IPPK: variants seen among roughly 807,000 people sequenced by gnomAD.
IPPK encodes the protein IPK1 homolog.
In IPPK, 22 loss-of-function variants were observed where a neutral mutation model predicts 64.6. The ratio of observed to expected loss-of-function variants is 0.34; its 90% CI spans 0.24 to 0.49. IPPK has a LOEUF of 0.49. Ranked by LOEUF, IPPK falls within the 20% of genes least tolerant of loss-of-function variation. The pLI is 0.99. For synonymous variants in IPPK, 262 were observed against 247.2 expected (o/e 1.06, Z -0.56); for missense variants, 532 against 630.7 (o/e 0.84, Z 1.68).
intron 12 of IPPK, chr9:92,619,121 C>G (rs761956373): frequency 1.7e-5 from 4 of 237,540 alleles, no homozygotes; most frequent in Non-Finnish European, 3.3e-5. Flanking sequence ...TGTGGGAGAC[C>G]GAGGAACAAG....
intron 8 of IPPK, among the ~76,000 whole-genome samples, chr9:92,639,003 C>T (rs1159380743): frequency 6.6e-6 from 1 of 152,110 alleles, no homozygotes; most frequent in Non-Finnish European, 1.5e-5. Context: ...GCGGCCAACC[C>T]CAGGAGAGTA....
chr9:92,618,694 C>G, intron 12 of IPPK: 1 of 389,178 alleles, frequency 2.6e-6, no homozygotes, highest in South Asian at 1.9e-5. Context: ...TCAGTTAGCC[C>G]TATAATGTTC....
chr9:92,618,639 G>A (rs762519861), intron 12 of IPPK: 4 of 446,180 alleles, frequency 9.0e-6, no homozygotes, highest in South Asian at 3.1e-5. Context: ...TTTCCTTAGG[G>A]GATAACAGGA....
chr9:92,654,425 G>C (rs1852330758), intron 3 of IPPK, among the ~76,000 whole-genome samples: 1 of 152,254 alleles, frequency 6.6e-6, no homozygotes, highest in African/African-American at 2.4e-5. Context: ...TGGGTGTGAG[G>C]CAGGATGATC....
At chr9:92,656,598 C>T (rs781346738) in intron 2 of IPPK, 47 bp from the exon 3 acceptor site, 5 of 1,279,556 alleles carry the variant, frequency 3.9e-6, no homozygotes, top group Non-Finnish European at 5.7e-6. Context: ...GACCTCCCAA[C>T]AGAGCCTTGC....
chr9:92,634,993 C>T (rs1166713248), intron 10 of IPPK, among the ~76,000 whole-genome samples, 165 bp downstream of exon 10: 1 of 152,240 alleles, frequency 6.6e-6, no homozygotes, highest in African/African-American at 2.4e-5. Flanking sequence ...CAAGGCACTA[C>T]ATTCCAGAGC....
At chr9:92,630,184 A>AT (rs1374125268) in intron 11 of IPPK, among the ~76,000 whole-genome samples, 1 of 151,838 alleles carries the variant, frequency 6.6e-6, no homozygotes. Flanking sequence ...CACCCCATGG[A>AT]CTATTACTGA....
intron 7 of IPPK, among the ~76,000 whole-genome samples, chr9:92,641,518 G>A (rs2131441708): frequency 6.6e-6 from 1 of 152,332 alleles, no homozygotes; most frequent in East Asian, 1.9e-4. Flanking sequence ...ATTACTGAAT[G>A]CTTCACAATT....
chr9:92,644,948 G>C (rs1348644117), intron 6 of IPPK, among the ~76,000 whole-genome samples: 3 of 152,148 alleles, frequency 2.0e-5, no homozygotes, highest in African/African-American at 7.2e-5. Context: ...CCAGACACTG[G>C]ACTTACCAGA....
chr9:92,623,152 G>A (rs1490481224), intron 11 of IPPK, among the ~76,000 whole-genome samples: 1 of 152,016 alleles, frequency 6.6e-6, no homozygotes, highest in East Asian at 1.9e-4. Flanking sequence ...ATCAAAAGAC[G>A]GGCCAGGCAC....
At chr9:92,622,615 T>C (rs975648797) in intron 11 of IPPK, among the ~76,000 whole-genome samples, 1 of 151,798 alleles carries the variant, frequency 6.6e-6, no homozygotes, top group African/African-American at 2.4e-5. Flanking sequence ...ATAATATATA[T>C]ATATATAAAA....
At position 92,649,377 on chromosome 9, in the gene IPPK, G is replaced by A. The variant is rs1226744684; in HGVS notation, c.414+76C>T. 3.9e-6 allele frequency: 6 copies of A among 1,554,630 alleles called. No homozygotes were observed. In the African/African-American group the frequency reaches 5.4e-5, roughly 14 times the overall value. ...ACTTCAGTGGGAACTGGAACCCAAG[G>A]CACGTGACTCTTGGACTTACTACCC... On this transcript the variant is annotated intron_variant, in intron 5 of 12. Transcript: ENST00000287996.
At chr9:92,637,570 A>T (rs1284576090) in intron 9 of IPPK, among the ~76,000 whole-genome samples, 1 of 152,036 alleles carries the variant, frequency 6.6e-6, no homozygotes, top group African/African-American at 2.4e-5. Context: ...TTCACCCCAG[A>T]CTTGTGAAGA....
intron 11 of IPPK, among the ~76,000 whole-genome samples, chr9:92,621,009 A>G (rs1244613472): frequency 6.6e-6 from 1 of 152,240 alleles, no homozygotes; most frequent in Non-Finnish European, 1.5e-5. Flanking sequence ...CAGATCTGCT[A>G]TCTGGCGAGA....
chr9:92,652,629 TG>T lies in IPPK; in HGVS notation c.235del (p.Gln79SerfsTer4). On this transcript the variant is annotated frameshift_variant, in exon 4 of 13. Coordinates refer to ENST00000287996, the MANE Select transcript of IPPK (RefSeq NM_022755.6). LOFTEE classifies it high-confidence loss of function. The part of the protein sequence containing the change: ...ENYVHYGEVV[Q>X]LPLEFVKQLC... ...CTGTTTCACAAACTCTAAAGGTAGC[TG>T]AACGACCTCCTGTAAGAAAATACAT... 6.4e-7 allele frequency: 1 copy of T among 1,567,604 alleles called. No individual in the cohort carries two copies.
chr9:92,641,888 T>G (rs1262280081), intron 7 of IPPK, among the ~76,000 whole-genome samples: 2 of 152,030 alleles, frequency 1.3e-5, no homozygotes, highest in Non-Finnish European at 2.9e-5. Context: ...AGCTCTGCAG[T>G]AACAGGGGTC....
In IPPK at chr9:92,613,297, C is replaced by A; in HGVS notation, c.*2535G>T. 1.2e-6 allele frequency: 1 copy of A among 818,192 alleles called. No homozygotes were observed. The highest frequency in any genetic ancestry group is 1.9e-6 in the Non-Finnish European group (1 of 523,100). 50.7% of individuals were successfully genotyped at this position (818,192 alleles called of 1,614,324 possible). On this transcript the variant is annotated 3_prime_UTR_variant, in exon 13 of 13. Coordinates refer to ENST00000287996, the MANE Select transcript of IPPK (RefSeq NM_022755.6). The stretch of plus-strand genomic sequence containing the variant: ...TTATGGCACATTATATGGAAACTCT[C>A]ATGACATGAAAAATAAATACAACTA...
intron 1 of IPPK, among the ~76,000 whole-genome samples, chr9:92,662,015 C>T (rs1199155899): frequency 6.6e-6 from 1 of 152,164 alleles, no homozygotes; most frequent in Non-Finnish European, 1.5e-5. Flanking sequence ...CCAAGGGGCA[C>T]CCATGGCTGG....
At position 92,616,042 on chromosome 9, in the gene IPPK, A is replaced by G; in HGVS notation, c.1266T>C (p.Pro422=). ...CLQDASSDQR[P]VVPSSRSRFA... is the part of the protein sequence containing the mutation. The stretch of plus-strand genomic sequence containing the variant: ...ACCTGGACCTCGATGAAGGGACGAC[A>G]GGCCTTTGATCAGAGCTGCAAGTAA... The change falls in exon 13 of 13, where the codon CCT becomes CCC. Residue 422 remains proline (P), a synonymous_variant. Coordinates refer to ENST00000287996, the MANE Select transcript of IPPK (RefSeq NM_022755.6). 1 of 1,613,874 alleles carries G rather than the reference A, an allele frequency of 6.2e-7. No individual in the cohort carries two copies. The highest frequency in any genetic ancestry group is 8.5e-7 in the Non-Finnish European group (1 of 1,179,790).
Sources: allele counts gnomAD v4.1 joint callset (sites outside exome capture counted in the v4.1 genomes callset), GRCh38; gene constraint gnomAD v4.1.1; transcripts MANE v1.5; gene names NCBI Gene and HGNC (gene_info 2026-07-23, HGNC 2026-07-21).